The following SGK3 variants were observed in gnomAD, a reference collection of about 807,000 sequenced individuals.
The protein encoded by SGK3 is serum/glucocorticoid regulated kinase family member 3, also known as serine/threonine-protein kinase Sgk3.
SGK3 carries 47 observed loss-of-function variants against 68.5 expected under a neutral mutation model. That is an observed-to-expected ratio of 0.69 (90% confidence interval 0.54 to 0.87). The LOEUF (loss-of-function observed/expected upper bound fraction) is 0.87. SGK3 is among the 40% of genes least tolerant of loss of function. SGK3 has a pLI of 0.00. For synonymous variants in SGK3, 181 were observed against 189.1 expected (o/e 0.96, Z 0.35); for missense variants, 479 against 575.5 (o/e 0.83, Z 1.72).
At chr8:66,845,857 G>A (rs763306506) in intron 14 of SGK3, among the ~76,000 whole-genome samples, 13 of 151,606 alleles carry the variant, frequency 8.6e-5, no homozygotes, top group Non-Finnish European at 1.9e-4. Flanking sequence ...TGTGCCTGGC[G>A]TCACTTTTTA....
chr8:66,730,933 C>T (rs539712864), intron 1 of SGK3, among the ~76,000 whole-genome samples: 9 of 152,160 alleles, frequency 5.9e-5, no homozygotes, highest in East Asian at 5.8e-4. Flanking sequence ...GTGATCTGCC[C>T]GCCCCAGTCT....
At chr8:66,787,132 C>T (rs113007831) in intron 1 of SGK3, among the ~76,000 whole-genome samples, 3,891 of 151,324 alleles carry the variant, frequency 0.026, 184 homozygotes, top group African/African-American at 0.089. Context: ...TTAGTAGAGA[C>T]GGGGTTTCAC....
At chr8:66,730,295 A>G (rs1805111780) in intron 1 of SGK3, among the ~76,000 whole-genome samples, 1 of 152,062 alleles carries the variant, frequency 6.6e-6, no homozygotes, top group Non-Finnish European at 1.5e-5. Flanking sequence ...TTCCTTATTA[A>G]AAAAAATTTG....
chr8:66,807,968 A>AT, intron 4 of SGK3, among the ~76,000 whole-genome samples: 1 of 152,286 alleles, frequency 6.6e-6, no homozygotes. Context: ...TCTCCAGAAT[A>AT]TACCATTAAA....
At chr8:66,835,910 T>C (rs1162691608) in intron 9 of SGK3, 33 bp from the exon 10 acceptor site, 1 of 1,612,732 alleles carries the variant, frequency 6.2e-7, no homozygotes, top group Admixed American at 1.7e-5. Context: ...TTTTCTAGTG[T>C]ATAATACAAT....
At chr8:66,786,407 A>G (rs1202567094) in intron 1 of SGK3, among the ~76,000 whole-genome samples, 1 of 152,186 alleles carries the variant, frequency 6.6e-6, no homozygotes, top group Non-Finnish European at 1.5e-5. Flanking sequence ...GGCTATTGTG[A>G]GGAGCAACCA....
At chr8:66,796,941 G>GTT (rs79807368) in intron 2 of SGK3, among the ~76,000 whole-genome samples, 14 of 135,914 alleles carry the variant, frequency 1.0e-4, no homozygotes, top group Admixed American at 5.1e-4. Context: ...ATCTAATCTT[G>GTT]TTTTTTTTTT....
At chr8:66,757,942 T>A (rs557164659) in intron 1 of SGK3, among the ~76,000 whole-genome samples, 14 of 141,948 alleles carry the variant, frequency 9.9e-5, no homozygotes, top group Non-Finnish European at 1.7e-4. Flanking sequence ...TATATATATA[T>A]ACATATATAT....
At chr8:66,821,166 T>G (rs533269735) in intron 5 of SGK3, among the ~76,000 whole-genome samples, 1 of 152,152 alleles carries the variant, frequency 6.6e-6, no homozygotes. Flanking sequence ...GTGGGCCATC[T>G]CTAATTTTAG....
At chr8:66,825,191 CT>C (rs1563647410) in intron 6 of SGK3, among the ~76,000 whole-genome samples, 1 of 152,034 alleles carries the variant, frequency 6.6e-6, no homozygotes, top group South Asian at 2.1e-4. Flanking sequence ...AGTTTTGTTC[CT>C]TTTTTTCTTT....
intron 1 of SGK3, among the ~76,000 whole-genome samples, chr8:66,738,342 C>G (rs1371784033): frequency 6.6e-6 from 1 of 152,024 alleles, no homozygotes; most frequent in Non-Finnish European, 1.5e-5. Flanking sequence ...ATTGTGACAC[C>G]CCCCATTCTC....
At chr8:66,725,937 T>A (rs1804972697) in intron 1 of SGK3, among the ~76,000 whole-genome samples, 1 of 152,190 alleles carries the variant, frequency 6.6e-6, no homozygotes, top group Non-Finnish European at 1.5e-5. Context: ...CATCAGTTTA[T>A]CTTCTCCCCA....
intron 1 of SGK3, among the ~76,000 whole-genome samples, chr8:66,763,662 G>A (rs1806235487): frequency 6.6e-6 from 1 of 151,598 alleles, no homozygotes; most frequent in Non-Finnish European, 1.5e-5. Context: ...ATATATTTAT[G>A]TACACATAAA....
intron 1 of SGK3, among the ~76,000 whole-genome samples, chr8:66,761,413 A>G (rs987778249): frequency 6.6e-6 from 1 of 152,182 alleles, no homozygotes; most frequent in African/African-American, 2.4e-5. Context: ...TCTAGTCACT[A>G]TTGTTTTTGT....
chr8:66,762,794 A>G (rs976575007), intron 1 of SGK3, among the ~76,000 whole-genome samples: 1 of 152,190 alleles, frequency 6.6e-6, no homozygotes, highest in Non-Finnish European at 1.5e-5. Flanking sequence ...CAGGTCATTT[A>G]GCCTGTAGGA....
At chr8:66,816,219 G>T (rs950660935) in intron 5 of SGK3, among the ~76,000 whole-genome samples, 2 of 151,838 alleles carry the variant, frequency 1.3e-5, no homozygotes, top group African/African-American at 4.8e-5. Flanking sequence ...AGCCAGGATG[G>T]TCTTCATCTA....
chr8:66,743,406 T>C lies in SGK3; in HGVS notation c.-122+30573T>C, dbSNP rs138848219. Reference sequence around the variant, plus strand: ...TCCTATCTATGGATTAGCTCTGCAATTACGTTATATATTACTTAAGGACAG... The same window carrying C: ...TCCTATCTATGGATTAGCTCTGCAACTACGTTATATATTACTTAAGGACAG... On this transcript the variant is annotated intron_variant, in intron 1 of 16. Transcript: ENST00000521198. Among the ~76,000 whole-genome samples, 47 of 152,336 alleles carry C rather than the reference T, an allele frequency of 3.1e-4. 1 individual carries two copies. In the East Asian group the frequency reaches 8.3e-3, roughly 27 times the overall value.
intron 1 of SGK3, among the ~76,000 whole-genome samples, chr8:66,714,964 C>T (rs1804591020): frequency 1.3e-5 from 2 of 152,156 alleles, no homozygotes; most frequent in Admixed American, 6.6e-5. Flanking sequence ...CTTCAGATAT[C>T]TTGCTCTTTC....
Position 66,797,759 on chromosome 8 carries a change from C to T in SGK3, c.97-783C>T, listed in dbSNP as rs574914995. Among the ~76,000 whole-genome samples, 787 of 152,092 alleles carry T rather than the reference C, an allele frequency of 5.2e-3. 3 individuals are homozygous for T. The highest frequency in any genetic ancestry group is 8.0e-3 in the Non-Finnish European group (541 of 68,000). The stretch of plus-strand genomic sequence containing the variant: ...CACTTTTGAAAATACTTTGTAAGTT[C>T]CAGGTAGTAATTACTGCTAGGGAAG... On this transcript the variant is annotated intron_variant, in intron 2 of 16. Transcript: ENST00000521198.
Sources: gnomAD v4.1 joint callset for allele counts (sites outside exome capture counted in the v4.1 genomes callset) on GRCh38, gnomAD v4.1.1 for gene constraint, MANE v1.5 for transcripts, NCBI Gene and HGNC (gene_info 2026-07-23, HGNC 2026-07-21) for gene names.